TLL2: variants seen among roughly 807,000 people sequenced by gnomAD.
The protein encoded by TLL2 is tolloid like 2, also known as tolloid-like protein 2.
In TLL2, 106 loss-of-function variants were observed where a neutral mutation model predicts 123.0. The observed-to-expected ratio is 0.86, with a 90% CI of 0.74 to 1.01. The LOEUF (loss-of-function observed/expected upper bound fraction) is 1.01, where lower values mean the gene tolerates loss of function less well. TLL2 is among the 50% of genes least tolerant of loss of function. The pLI, the probability that TLL2 is intolerant of heterozygous loss-of-function variation, is 0.00. For synonymous variants in TLL2, 494 were observed against 516.8 expected (o/e 0.96, Z 0.60); for missense variants, 1,332 against 1,336.7 (o/e 1.00, Z 0.06).
chr10:96,506,845 T>A (rs1847584377), intron 1 of TLL2, among the ~76,000 whole-genome samples: 1 of 152,202 alleles, frequency 6.6e-6, no homozygotes, highest in African/African-American at 2.4e-5. Context: ...GTTCCACTGA[T>A]GTAAGACTTG....
chr10:96,427,043 T>G (rs1846684827), intron 5 of TLL2, among the ~76,000 whole-genome samples: 1 of 152,220 alleles, frequency 6.6e-6, no homozygotes, highest in Admixed American at 6.5e-5. Context: ...ATCTCTTTTA[T>G]TTTGAACCAT....
At chr10:96,425,293 C>T (rs968512799) in intron 5 of TLL2, among the ~76,000 whole-genome samples, 11 of 146,580 alleles carry the variant, frequency 7.5e-5, no homozygotes, top group Non-Finnish European at 1.5e-4. Context: ...CTCTCTCTCT[C>T]ATTATTTCTA....
chr10:96,452,499 G>T (rs1846971339), intron 2 of TLL2, among the ~76,000 whole-genome samples: 1 of 152,190 alleles, frequency 6.6e-6, no homozygotes, highest in Non-Finnish European at 1.5e-5. Context: ...CATGTCTTAG[G>T]CCTTCTTAAT....
At chr10:96,417,187 A>G (rs1202596249) in intron 7 of TLL2, among the ~76,000 whole-genome samples, 3 of 152,202 alleles carry the variant, frequency 2.0e-5, no homozygotes, top group Non-Finnish European at 4.4e-5. Context: ...ATCCAACATG[A>G]GGTACAGGCC....
In TLL2 at chr10:96,376,320, A is replaced by G. The variant is rs146531179; in HGVS notation, c.2448+372T>C. ...GGGGCTCTGGGGTCTTTTGATTTCT[A>G]TTTCCAACCTCCTGTACTGATTCAT... On this transcript the variant is annotated intron_variant, in intron 18 of 20. Coordinates refer to ENST00000357947, the MANE Select transcript of TLL2 (RefSeq NM_012465.4). Among the ~76,000 whole-genome samples the G allele has an allele frequency of 2.3e-4, 35 of 152,286 alleles. No homozygotes were observed. In the East Asian group the frequency reaches 6.0e-3, roughly 26 times the overall value.
chr10:96,486,507 C>T (rs1847357873), intron 1 of TLL2, among the ~76,000 whole-genome samples: 1 of 152,230 alleles, frequency 6.6e-6, no homozygotes, highest in South Asian at 2.1e-4. Flanking sequence ...CACTCTGGCT[C>T]CTCATCGAAG....
chr10:96,446,716 C>A (rs571400167), intron 2 of TLL2, among the ~76,000 whole-genome samples: 1 of 152,330 alleles, frequency 6.6e-6, no homozygotes, highest in African/African-American at 2.4e-5. Flanking sequence ...AAATTAGACT[C>A]CATAGACACT....
intron 7 of TLL2, among the ~76,000 whole-genome samples, chr10:96,414,711 T>C (rs774792507): frequency 9.9e-5 from 15 of 152,126 alleles, no homozygotes; most frequent in Non-Finnish European, 2.2e-4. Context: ...TATGGGCCTC[T>C]TATATCCAAC....
intron 3 of TLL2, among the ~76,000 whole-genome samples, chr10:96,445,161 C>G (rs1020268752): frequency 6.6e-6 from 1 of 152,160 alleles, no homozygotes; most frequent in South Asian, 2.1e-4. Context: ...TGCACTCCAG[C>G]CTGGGCGACA....
At chr10:96,501,767 C>T (rs1272300706) in intron 1 of TLL2, among the ~76,000 whole-genome samples, 1 of 152,236 alleles carries the variant, frequency 6.6e-6, no homozygotes, top group Non-Finnish European at 1.5e-5. Flanking sequence ...CCAACTCCCT[C>T]ACCAGGAAGT....
At chr10:96,432,018 A>T (rs945460591) in intron 4 of TLL2, among the ~76,000 whole-genome samples, 6 of 151,996 alleles carry the variant, frequency 3.9e-5, no homozygotes, top group Admixed American at 1.3e-4. Flanking sequence ...AAGGGTAGAG[A>T]GGGTCAAAGG....
At chr10:96,391,971 G>A (rs902534112) in intron 13 of TLL2, among the ~76,000 whole-genome samples, 5 of 152,158 alleles carry the variant, frequency 3.3e-5, no homozygotes, top group Non-Finnish European at 7.4e-5. Context: ...GGGCCCCGTC[G>A]CAGACTGAGT....
intron 2 of TLL2, among the ~76,000 whole-genome samples, chr10:96,456,427 A>G (rs1847016794): frequency 6.6e-6 from 1 of 152,134 alleles, no homozygotes; most frequent in African/African-American, 2.4e-5. Context: ...CAAGGAGAAG[A>G]AGACAGATGA....
At chr10:96,498,651 G>A (rs1291786993) in intron 1 of TLL2, among the ~76,000 whole-genome samples, 2 of 152,200 alleles carry the variant, frequency 1.3e-5, no homozygotes, top group Non-Finnish European at 2.9e-5. Context: ...AAGTGACTAA[G>A]TTCTGTCCAA....
chr10:96,495,059 G>A (rs1847457025), intron 1 of TLL2, among the ~76,000 whole-genome samples: 2 of 152,098 alleles, frequency 1.3e-5, no homozygotes, highest in African/African-American at 4.8e-5. Flanking sequence ...TATTTGCTTG[G>A]GGCCTGCTGT....
Position 96,473,328 on chromosome 10 carries a change from G to A in TLL2, c.286+7021C>T, listed in dbSNP as rs796450609. ...AAATTAGCTGGGCATGGTGATGGGC[G>A]CCTGAAATCCCAGCTACTCAAGAGG... On this transcript the variant is annotated intron_variant, in intron 2 of 20. Transcript: ENST00000357947. Among the ~76,000 whole-genome samples the A allele has an allele frequency of 3.0e-4, 45 of 152,188 alleles. 1 individual carries two copies. Among genetic ancestry groups the A allele is most frequent in the African/African-American group, 9.6e-4 (40 of 41,510 alleles).
chr10:96,367,950 TC>T lies in TLL2; in HGVS notation c.*137del. The T allele has an allele frequency of 2.8e-6, 3 of 1,084,528 alleles. No homozygotes were observed. The highest frequency in any genetic ancestry group is 3.9e-6 in the Non-Finnish European group (3 of 775,406). 67.2% of individuals were successfully genotyped at this position (1,084,528 alleles called of 1,614,324 possible). ...CAAGACTTTCATTCAAATATATACCTCTAAGGCTGGATTCTGAGTTTTTGTT... is the reference window on the plus strand; with the variant it reads ...CAAGACTTTCATTCAAATATATACCTTAAGGCTGGATTCTGAGTTTTTGTT... On this transcript the variant is annotated 3_prime_UTR_variant, in exon 21 of 21. Transcript: ENST00000357947.
At chr10:96,495,236 G>A (rs1847459071) in intron 1 of TLL2, among the ~76,000 whole-genome samples, 1 of 152,118 alleles carries the variant, frequency 6.6e-6, no homozygotes, top group African/African-American at 2.4e-5. Context: ...AACAGGCTGA[G>A]GTGGGGTGGA....
intron 13 of TLL2, among the ~76,000 whole-genome samples, chr10:96,392,074 T>C (rs971554559): frequency 2.6e-5 from 4 of 152,166 alleles, no homozygotes; most frequent in African/African-American, 9.7e-5. Context: ...TTGAGGACAA[T>C]CATTGTGTGC....
Sources: gnomAD v4.1 joint callset for allele counts (sites outside exome capture counted in the v4.1 genomes callset) on GRCh38, gnomAD v4.1.1 for gene constraint, MANE v1.5 for transcripts, NCBI Gene and HGNC (gene_info 2026-07-23, HGNC 2026-07-21) for gene names.